RBMS3: variants seen among roughly 807,000 people sequenced by gnomAD.
RBMS3 encodes RNA-binding motif, single-stranded-interacting protein 3.
In RBMS3, 27 loss-of-function variants were observed where a neutral mutation model predicts 66.8. The ratio of observed to expected loss-of-function variants is 0.40; its 90% CI spans 0.30 to 0.56. The LOEUF is 0.56. Among genes scored for constraint, RBMS3 ranks in the 20% least tolerant of loss-of-function variants. The probability of loss-of-function intolerance (pLI) is 0.40; values close to 1 mark genes in which losing one functional copy is unlikely to be tolerated. For missense variants in RBMS3, 513 were observed against 549.5 expected, an observed-to-expected ratio of 0.93 and a Z score of 0.66; for synonymous variants, 188 against 183.0, an observed-to-expected ratio of 1.03 and a Z score of -0.22.
intron 4 of RBMS3, among the ~76,000 whole-genome samples, chr3:29,670,426 A>G (rs1291190279): frequency 2.6e-5 from 4 of 152,140 alleles, no homozygotes; most frequent in Non-Finnish European, 5.9e-5. Context: ...TGCAGCCCAC[A>G]GAGTGTGAGC....
intron 3 of RBMS3, among the ~76,000 whole-genome samples, chr3:29,500,590 T>G (rs1259244817): frequency 2.6e-5 from 4 of 152,048 alleles, no homozygotes; most frequent in African/African-American, 9.7e-5. Context: ...GATATACAAA[T>G]ACTTATGATT....
intron 1 of RBMS3, among the ~76,000 whole-genome samples, chr3:29,401,503 G>T (rs1363750185): frequency 6.6e-6 from 1 of 152,038 alleles, no homozygotes; most frequent in Non-Finnish European, 1.5e-5. Context: ...CTTCACTGGT[G>T]CAGGGCTACA....
At chr3:29,930,727 A>AATAT (rs113959842) in intron 10 of RBMS3, among the ~76,000 whole-genome samples, 2 of 149,376 alleles carry the variant, frequency 1.3e-5, no homozygotes, top group African/African-American at 2.4e-5. Flanking sequence ...TTTTTATTCT[A>AATAT]ATATATATAT....
At chr3:29,559,992 G>A (rs2046493433) in intron 3 of RBMS3, among the ~76,000 whole-genome samples, 1 of 152,128 alleles carries the variant, frequency 6.6e-6, no homozygotes, top group African/African-American at 2.4e-5. Context: ...AAGTGTTAGT[G>A]CATTACATCC....
intron 3 of RBMS3, among the ~76,000 whole-genome samples, chr3:29,563,580 G>A (rs7652067): frequency 0.18 from 26,859 of 152,002 alleles, 3,648 homozygotes; most frequent in African/African-American, 0.36. Flanking sequence ...AAAACACTTT[G>A]ATGTATTTTT....
At chr3:29,862,074 A>G (rs1258924960) in intron 6 of RBMS3, among the ~76,000 whole-genome samples, 1 of 152,244 alleles carries the variant, frequency 6.6e-6, no homozygotes, top group East Asian at 1.9e-4. Context: ...TTTCTGTGCT[A>G]CTGAAGTCTC....
chr3:29,609,238 A>C (rs2048412473), intron 4 of RBMS3, among the ~76,000 whole-genome samples: 1 of 152,078 alleles, frequency 6.6e-6, no homozygotes, highest in Non-Finnish European at 1.5e-5. Flanking sequence ...CTTTAAGTGA[A>C]GATGACACTT....
chr3:29,471,422 A>G (rs1323776856), intron 2 of RBMS3, among the ~76,000 whole-genome samples: 3 of 152,230 alleles, frequency 2.0e-5, no homozygotes, highest in Non-Finnish European at 4.4e-5. Flanking sequence ...CGACATAAAT[A>G]TATCAACTTT....
intron 1 of RBMS3, among the ~76,000 whole-genome samples, chr3:29,313,570 G>A (rs1432797724): frequency 6.6e-6 from 1 of 151,592 alleles, no homozygotes; most frequent in Non-Finnish European, 1.5e-5. Context: ...ATATTAGGGT[G>A]GTGTGGCCAC....
intron 13 of RBMS3, among the ~76,000 whole-genome samples, chr3:29,990,543 C>T (rs917937053): frequency 6.7e-6 from 1 of 149,054 alleles, no homozygotes; most frequent in Non-Finnish European, 1.5e-5. Flanking sequence ...TTTCTTAAAA[C>T]TTCTTGATGA....
At chr3:29,714,656 A>T (rs2053314374) in intron 4 of RBMS3, among the ~76,000 whole-genome samples, 1 of 152,076 alleles carries the variant, frequency 6.6e-6, no homozygotes, top group Non-Finnish European at 1.5e-5. Flanking sequence ...AAGTGTAGTA[A>T]ATTACTTTGT....
At chr3:29,435,102 T>G in intron 2 of RBMS3, 187 bp downstream of exon 2, 1 of 625,402 alleles carries the variant, frequency 1.6e-6, no homozygotes, top group Non-Finnish European at 2.7e-6. Flanking sequence ...GTTTACTTTT[T>G]GTTGTTGAGT....
At chr3:29,572,933 A>G (rs894056081) in intron 3 of RBMS3, among the ~76,000 whole-genome samples, 4 of 151,092 alleles carry the variant, frequency 2.6e-5, no homozygotes, top group Admixed American at 2.6e-4. Context: ...TATGGATTCA[A>G]TCTCATTGTT....
chr3:29,500,819 CAT>C (rs1242629260), intron 3 of RBMS3, among the ~76,000 whole-genome samples: 4 of 150,996 alleles, frequency 2.6e-5, no homozygotes, highest in Non-Finnish European at 4.4e-5. Context: ...TATATAATTA[CAT>C]GTGTATGTCA....
At chr3:29,559,318 C>G (rs1044506127) in intron 3 of RBMS3, among the ~76,000 whole-genome samples, 2 of 151,850 alleles carry the variant, frequency 1.3e-5, no homozygotes, top group Admixed American at 1.3e-4. Context: ...CAAGTGCCAG[C>G]TATGAATTCT....
intron 1 of RBMS3, among the ~76,000 whole-genome samples, chr3:29,379,264 T>C (rs1265213910): frequency 6.6e-6 from 1 of 152,200 alleles, no homozygotes; most frequent in Non-Finnish European, 1.5e-5. Flanking sequence ...CACCTAAGAG[T>C]TCTGATATGT....
chr3:29,487,944 T>C (rs747558200), intron 2 of RBMS3, among the ~76,000 whole-genome samples: 4 of 152,200 alleles, frequency 2.6e-5, no homozygotes, highest in Non-Finnish European at 5.9e-5. Flanking sequence ...TCCTGGAGCC[T>C]AATATAGTGG....
chr3:29,320,575 G>T (rs2034949420), intron 1 of RBMS3, among the ~76,000 whole-genome samples: 1 of 151,948 alleles, frequency 6.6e-6, no homozygotes, highest in African/African-American at 2.4e-5. Context: ...CAGTCAAAGA[G>T]AATTTTATTC....
intron 6 of RBMS3, among the ~76,000 whole-genome samples, chr3:29,775,918 C>T (rs1161240412): frequency 1.3e-5 from 2 of 151,942 alleles, no homozygotes; most frequent in Non-Finnish European, 2.9e-5. Flanking sequence ...TGCATCTTTA[C>T]CTAATTTGAA....
Sources: allele counts gnomAD v4.1 joint callset (sites outside exome capture counted in the v4.1 genomes callset), GRCh38; gene constraint gnomAD v4.1.1; transcripts MANE v1.5; gene names NCBI Gene and HGNC (gene_info 2026-07-23, HGNC 2026-07-21).